Variants in ITGA9 observed in about 807,000 individuals in gnomAD.
ITGA9 encodes the protein integrin alpha-9.
ITGA9 carries 56 observed loss-of-function variants against 127.8 expected under a neutral mutation model. The observed-to-expected ratio is 0.44, with a 90% CI of 0.35 to 0.55. The LOEUF is 0.55. ITGA9 is among the 20% of genes least tolerant of loss of function. The pLI is 0.00. For missense variants in ITGA9, 1,196 were observed against 1,347.1 expected (o/e 0.89, Z 1.76); for synonymous variants, 508 against 514.5 (o/e 0.99, Z 0.17).
chr3:37,796,511 A>C (rs1697175525), intron 26 of ITGA9, among the ~76,000 whole-genome samples: 1 of 152,052 alleles, frequency 6.6e-6, no homozygotes, highest in Admixed American at 6.6e-5. Flanking sequence ...GAATGGATGG[A>C]TGGAACGACG....
At chr3:37,481,669 C>T (rs1698557182) in intron 4 of ITGA9, 62 bp downstream of exon 4, 1 of 1,581,220 alleles carries the variant, frequency 6.3e-7, no homozygotes, top group South Asian at 1.1e-5. Flanking sequence ...CCCGCCTTCC[C>T]ACCTCTATGC....
intron 25 of ITGA9, among the ~76,000 whole-genome samples, chr3:37,782,615 A>G (rs1487453432): frequency 2.6e-5 from 4 of 152,226 alleles, no homozygotes; most frequent in Non-Finnish European, 4.4e-5. Flanking sequence ...AGCTGCTCCC[A>G]GAGCTTCAGT....
chr3:37,762,388 C>T (rs555810064), intron 23 of ITGA9, among the ~76,000 whole-genome samples: 15 of 152,300 alleles, frequency 9.8e-5, no homozygotes, highest in African/African-American at 3.6e-4. Flanking sequence ...AGAATGCAGG[C>T]TCAGAGCATG....
At chr3:37,580,917 G>A (rs1699703255) in intron 15 of ITGA9, among the ~76,000 whole-genome samples, 1 of 152,194 alleles carries the variant, frequency 6.6e-6, no homozygotes, top group Non-Finnish European at 1.5e-5. Flanking sequence ...TGGACGAGTT[G>A]CTTTACTTCT....
intron 23 of ITGA9, among the ~76,000 whole-genome samples, chr3:37,755,122 G>A (rs1218332575): frequency 5.2e-4 from 79 of 152,114 alleles, no homozygotes; most frequent in Non-Finnish European, 4.0e-4. Flanking sequence ...CCTTTTTCAT[G>A]TGCTGTCAAA....
intron 5 of ITGA9, among the ~76,000 whole-genome samples, chr3:37,501,674 T>A (rs796587764): frequency 3.9e-5 from 6 of 152,140 alleles, no homozygotes; most frequent in African/African-American, 1.4e-4. Flanking sequence ...ATGAATGGAG[T>A]CATTTTTTTC....
At chr3:37,514,493 G>A (rs1297569474) in intron 9 of ITGA9, among the ~76,000 whole-genome samples, 2 of 152,234 alleles carry the variant, frequency 1.3e-5, no homozygotes, top group African/African-American at 4.8e-5. Context: ...CTGGGCAAGT[G>A]GGTTGGGGTG....
intron 22 of ITGA9, 107 bp from the exon 23 acceptor site, chr3:37,750,355 A>C: frequency 1.3e-6 from 1 of 767,306 alleles, no homozygotes; most frequent in Admixed American, 1.9e-5. Context: ...CGAACCTTAG[A>C]GTTTCTGTAT....
chr3:37,514,538 G>A (rs988570978), intron 9 of ITGA9, among the ~76,000 whole-genome samples: 25 of 152,124 alleles, frequency 1.6e-4, no homozygotes, highest in Admixed American at 9.8e-4. Flanking sequence ...AGCATGGGGG[G>A]GCAGGGGACT....
chr3:37,666,692 A>G (rs565050547), intron 17 of ITGA9, among the ~76,000 whole-genome samples: 4 of 152,214 alleles, frequency 2.6e-5, no homozygotes, highest in African/African-American at 7.2e-5. Context: ...CTTTTGCTAC[A>G]TTCTGTTGAT....
At chr3:37,689,063 T>G (rs1411674599) in intron 18 of ITGA9, among the ~76,000 whole-genome samples, 1 of 111,832 alleles carries the variant, frequency 8.9e-6, no homozygotes, top group African/African-American at 3.4e-5. Flanking sequence ...GCTGGGTGGA[T>G]GGGTGGGCGG....
chr3:37,739,121 A>G (rs1441990116), intron 20 of ITGA9, among the ~76,000 whole-genome samples: 2 of 152,150 alleles, frequency 1.3e-5, no homozygotes, highest in Non-Finnish European at 1.5e-5. Flanking sequence ...TGCTGGGCAC[A>G]TTTTCACTCA....
intron 1 of ITGA9, among the ~76,000 whole-genome samples, chr3:37,461,879 G>A (rs893324672): frequency 1.3e-5 from 2 of 152,164 alleles, no homozygotes; most frequent in African/African-American, 2.4e-5. Context: ...GGCCACCCTT[G>A]TTATGGGGAG....
intron 17 of ITGA9, among the ~76,000 whole-genome samples, chr3:37,672,711 C>T (rs1256637176): frequency 2.0e-5 from 3 of 152,204 alleles, no homozygotes; most frequent in African/African-American, 7.2e-5. Flanking sequence ...AGGCTGTAAA[C>T]CACAGGGGAT....
At chr3:37,763,685 A>G (rs140621293) in intron 23 of ITGA9, among the ~76,000 whole-genome samples, 10 of 152,376 alleles carry the variant, frequency 6.6e-5, no homozygotes, top group African/African-American at 2.2e-4. Flanking sequence ...TCTCCCCTGC[A>G]GCCAGCTTAT....
intron 17 of ITGA9, among the ~76,000 whole-genome samples, chr3:37,679,463 C>T (rs1472502685): frequency 3.3e-5 from 5 of 152,324 alleles, no homozygotes; most frequent in Non-Finnish European, 7.3e-5. Context: ...GGACAACCTT[C>T]ATGCCAAAGG....
Position 37,722,873 on chromosome 3 carries a change from C to T in ITGA9, c.2068-9839C>T, listed in dbSNP as rs1701205811. On this transcript the variant is annotated intron_variant, in intron 18 of 27. Transcript: ENST00000264741. ...CTGGGTTACATGGTAACTTATATTT[C>T]ACTGTTAAGAAACTGCCAGGCTGCT... Among the ~76,000 whole-genome samples the T allele has an allele frequency of 2.0e-5, 3 of 152,176 alleles. No individual in the cohort carries two copies. The South Asian group carries it at 6.2e-4, about 31-fold the overall frequency.
chr3:37,785,854 A>G (rs766236196), intron 26 of ITGA9, among the ~76,000 whole-genome samples: 7 of 151,580 alleles, frequency 4.6e-5, no homozygotes, highest in Admixed American at 1.3e-4. Flanking sequence ...ACTATTTACC[A>G]CCCCCTTCTC....
At chr3:37,534,420 T>G (rs267557) in intron 14 of ITGA9, among the ~76,000 whole-genome samples, 87,001 of 152,196 alleles carry the variant, frequency 0.57, 25,371 homozygotes, top group East Asian at 0.81. Context: ...ATCAGAATCT[T>G]CATTTTCACA....
Sources: allele counts gnomAD v4.1 joint callset (sites outside exome capture counted in the v4.1 genomes callset), GRCh38; gene constraint gnomAD v4.1.1; transcripts MANE v1.5; gene names NCBI Gene and HGNC (gene_info 2026-07-23, HGNC 2026-07-21).